The following SNTG2 variants were observed in gnomAD, a reference collection of about 807,000 sequenced individuals.
SNTG2 encodes syntrophin gamma 2.
Under a neutral mutation model 70.9 loss-of-function variants are expected in SNTG2, and 74 were observed. That is an observed-to-expected ratio of 1.04 (90% CI 0.86 to 1.27). The LOEUF is 1.27. Among genes scored for constraint, SNTG2 ranks in the 50% most tolerant of loss-of-function variants. The pLI is 0.00. For synonymous variants in SNTG2, 278 were observed against 273.8 expected (o/e 1.02, Z -0.15); for missense variants, 717 against 690.7 (o/e 1.04, Z -0.43).
chr2:1,204,594 C>T (rs1026958044), intron 8 of SNTG2, among the ~76,000 whole-genome samples: 1 of 152,218 alleles, frequency 6.6e-6, no homozygotes, highest in Non-Finnish European at 1.5e-5. Context: ...TGTGCACACA[C>T]TGCTCCATCC....
At chr2:1,022,295 CCT>C (rs1660225032) in intron 1 of SNTG2, among the ~76,000 whole-genome samples, 1 of 151,674 alleles carries the variant, frequency 6.6e-6, no homozygotes, top group South Asian at 2.1e-4. Flanking sequence ...TTTGTGAGCC[CCT>C]GTGTTCCCGT....
chr2:1,201,984 TA>T (rs1182320970), intron 8 of SNTG2, among the ~76,000 whole-genome samples: 1 of 151,954 alleles, frequency 6.6e-6, no homozygotes, highest in East Asian at 1.9e-4. Flanking sequence ...AGCCAGATGA[TA>T]AAAAAGCTTA....
rs61002101 is a variant in SNTG2, at chr2:991,372, TACACACACACAC to T, written c.72+40328_72+40339del. ...AGGGAGCTTATAAGTTCTGTAATAT[TACACACACACAC>T]ACACACACACACACACACACACAAT... is the stretch of plus-strand genomic sequence containing the variant. On this transcript the variant is annotated intron_variant, in intron 1 of 16. Coordinates refer to ENST00000308624, the MANE Select transcript of SNTG2 (RefSeq NM_018968.4). Among the ~76,000 whole-genome samples, 8 of 140,354 alleles carry T rather than the reference TACACACACACAC, an allele frequency of 5.7e-5. No individual in the cohort carries two copies. The South Asian group carries it at 7.6e-4, about 13-fold the overall frequency. The allele number at this position is 140,354 out of a possible 152,430, so 92.1% of individuals were successfully genotyped here.
chr2:1,137,922 A>G (rs1668503116), intron 6 of SNTG2, 113 bp downstream of exon 6: 1 of 1,071,158 alleles, frequency 9.3e-7, no homozygotes, highest in African/African-American at 1.6e-5. Context: ...TTAGAATTGG[A>G]AAGAAAGCTC....
chr2:1,119,952 A>G (rs577089924), intron 4 of SNTG2, among the ~76,000 whole-genome samples: 19 of 152,146 alleles, frequency 1.2e-4, no homozygotes, highest in Non-Finnish European at 2.5e-4. Context: ...TTATCTATCA[A>G]TGATCACCTT....
intron 9 of SNTG2, among the ~76,000 whole-genome samples, chr2:1,222,322 T>C (rs1330685461): frequency 1.3e-5 from 2 of 152,264 alleles, no homozygotes; most frequent in Non-Finnish European, 2.9e-5. Context: ...TAAGATCTTT[T>C]CTTCGTATCC....
intron 6 of SNTG2, among the ~76,000 whole-genome samples, chr2:1,139,566 C>T (rs1051690445): frequency 4.6e-5 from 7 of 152,168 alleles, no homozygotes; most frequent in African/African-American, 1.7e-4. Context: ...TTGCTCACAA[C>T]TGTAATCCAA....
intron 1 of SNTG2, among the ~76,000 whole-genome samples, chr2:1,055,624 T>C (rs895181539): frequency 2.0e-5 from 3 of 152,094 alleles, no homozygotes; most frequent in Admixed American, 1.3e-4. Flanking sequence ...CAACTATTTA[T>C]CAGTTTTAAT....
At chr2:961,196 G>A (rs1660337928) in intron 1 of SNTG2, among the ~76,000 whole-genome samples, 1 of 152,010 alleles carries the variant, frequency 6.6e-6, no homozygotes, top group Non-Finnish European at 1.5e-5. Context: ...TGAAACTACT[G>A]TTAGATTTTA....
At chr2:963,278 C>T (rs996779402) in intron 1 of SNTG2, among the ~76,000 whole-genome samples, 2 of 151,458 alleles carry the variant, frequency 1.3e-5, no homozygotes, top group Non-Finnish European at 2.9e-5. Flanking sequence ...ATGGAATGAC[C>T]CAAAAAATTC....
At chr2:1,158,796 G>A (rs530478986) in intron 6 of SNTG2, among the ~76,000 whole-genome samples, 3 of 152,272 alleles carry the variant, frequency 2.0e-5, no homozygotes, top group East Asian at 3.9e-4. Flanking sequence ...GTTGCCAATC[G>A]TGGTAAGTCT....
chr2:1,273,635 T>TTATA (rs34553294), intron 14 of SNTG2, among the ~76,000 whole-genome samples: 5 of 147,918 alleles, frequency 3.4e-5, no homozygotes, highest in African/African-American at 9.9e-5. Context: ...TACATAAATA[T>TTATA]TATATATATA....
intron 1 of SNTG2, among the ~76,000 whole-genome samples, chr2:1,069,959 C>T (rs1264631708): frequency 6.6e-6 from 1 of 152,116 alleles, no homozygotes; most frequent in Non-Finnish European, 1.5e-5. Context: ...CCTGGACGCT[C>T]GTTCCCACAG....
chr2:1,142,397 G>A (rs1014238232), intron 6 of SNTG2, among the ~76,000 whole-genome samples: 4 of 152,214 alleles, frequency 2.6e-5, no homozygotes, highest in African/African-American at 9.6e-5. Context: ...GATTCCAGGA[G>A]CCACCTTCAG....
intron 9 of SNTG2, among the ~76,000 whole-genome samples, chr2:1,221,749 G>GTCTCTC (rs1381209585): frequency 1.4e-4 from 1 of 7,000 alleles, no homozygotes; most frequent in African/African-American, 5.9e-4. Flanking sequence ...CTCTGTCTCT[G>GTCTCTC]TCTGTGTCTC....
intron 4 of SNTG2, among the ~76,000 whole-genome samples, chr2:1,115,685 A>C (rs79803212): frequency 7.5e-6 from 1 of 132,616 alleles, no homozygotes; most frequent in Non-Finnish European, 1.7e-5. Context: ...GAGGTTTAAC[A>C]TTTACAGTCC....
intron 14 of SNTG2, among the ~76,000 whole-genome samples, chr2:1,271,532 A>G (rs1679019519): frequency 6.6e-6 from 1 of 152,164 alleles, no homozygotes; most frequent in Non-Finnish European, 1.5e-5. Context: ...TTTGGCTACA[A>G]GTAAGAGAAA....
intron 1 of SNTG2, among the ~76,000 whole-genome samples, chr2:1,029,907 G>A (rs965296548): frequency 2.0e-5 from 3 of 152,098 alleles, no homozygotes; most frequent in African/African-American, 7.2e-5. Context: ...TCCCTGTTAG[G>A]CATCATCTTA....
In SNTG2 at chr2:1,034,496, A is replaced by G. The variant is rs149390671; in HGVS notation, c.73-49022A>G. 7.9e-5 allele frequency among the ~76,000 whole-genome samples: 12 copies of G among 152,300 alleles called. No homozygotes were observed. In the East Asian group the frequency reaches 2.3e-3, roughly 29 times the overall value. On this transcript the variant is annotated intron_variant, in intron 1 of 16. Transcript: ENST00000308624. Reference sequence around the variant, plus strand: ...CCCAGTAATGCAATGGCTGGGTCAAATGGTAGTTCTGTTTTTCAATCTTTG... The same window carrying G: ...CCCAGTAATGCAATGGCTGGGTCAAGTGGTAGTTCTGTTTTTCAATCTTTG...
Sources: allele counts gnomAD v4.1 joint callset (sites outside exome capture counted in the v4.1 genomes callset), GRCh38; gene constraint gnomAD v4.1.1; transcripts MANE v1.5; gene names NCBI Gene and HGNC (gene_info 2026-07-23, HGNC 2026-07-21).